Variants in TENM1 observed in about 807,000 individuals in gnomAD.
TENM1 encodes the protein teneurin-1.
Under a neutral mutation model 174.8 loss-of-function variants are expected in TENM1, and 35 were observed. That is an observed-to-expected ratio of 0.20 (90% confidence interval 0.15 to 0.27). The LOEUF (loss-of-function observed/expected upper bound fraction) is 0.27. Among genes scored for constraint, TENM1 ranks in the 10% least tolerant of loss-of-function variants. The probability of loss-of-function intolerance (pLI) is 1.00; values close to 1 mark genes in which losing one functional copy is unlikely to be tolerated. For missense variants in TENM1, 1,633 were observed against 2,130.1 expected (o/e 0.77, Z 4.59); for synonymous variants, 781 against 798.7 (o/e 0.98, Z 0.37).
intron 3 of TENM1, among the ~76,000 whole-genome samples, chrX:124,856,131 T>A (rs2056812079): frequency 9.0e-6 from 1 of 110,933 alleles, no homozygotes; most frequent in Admixed American, 9.6e-5. Context: ...GACTGCCAAT[T>A]TTCCTTCCTT....
chrX:124,669,813 T>A (rs776348265), intron 6 of TENM1, among the ~76,000 whole-genome samples: 1 of 112,366 alleles, frequency 8.9e-6, no homozygotes, highest in Non-Finnish European at 1.9e-5. Context: ...ATGAGACTTG[T>A]CACAACACAT....
chrX:125,074,783 C>T, the TENM1 span, among the ~76,000 whole-genome samples: 1 of 111,116 alleles, frequency 9.0e-6, no homozygotes, highest in Admixed American at 9.6e-5. Flanking sequence ...CTCCAGGCCA[C>T]TGCCCATACT....
chrX:124,385,653 C>A, intron 29 of TENM1, 24 bp downstream of exon 32: 1 of 1,172,407 alleles, frequency 8.5e-7, no homozygotes, highest in Non-Finnish European at 1.1e-6. Flanking sequence ...TTGTTGTACA[C>A]ACCACCACTC....
chrX:125,021,102 G>A, the TENM1 span, among the ~76,000 whole-genome samples: 1 of 105,561 alleles, frequency 9.5e-6, no homozygotes, highest in Middle Eastern at 4.5e-3. Context: ...AAAGAAATTA[G>A]GTTTTTTTTG....
intron 4 of TENM1, among the ~76,000 whole-genome samples, chrX:124,730,399 C>T (rs2053539063): frequency 9.0e-6 from 1 of 111,467 alleles, no homozygotes; most frequent in Non-Finnish European, 1.9e-5. Context: ...CAATTAGGAA[C>T]TCATTTAATG....
intron 8 of TENM1, among the ~76,000 whole-genome samples, chrX:124,650,995 T>C (rs1349786446): frequency 1.8e-5 from 2 of 111,877 alleles, no homozygotes; most frequent in Non-Finnish European, 3.8e-5. Context: ...AAAGAGCAGA[T>C]GGTATATCTA....
chrX:125,071,038 C>T, the TENM1 span, among the ~76,000 whole-genome samples: 1 of 111,238 alleles, frequency 9.0e-6, no homozygotes, highest in Non-Finnish European at 1.9e-5. Flanking sequence ...CCCAATTTGC[C>T]TTCCTTTTAC....
chrX:124,546,319 G>T (rs1278155595), intron 15 of TENM1, among the ~76,000 whole-genome samples: 4 of 111,558 alleles, frequency 3.6e-5, no homozygotes, highest in African/African-American at 1.3e-4. Context: ...ATAACAGTGA[G>T]CAAATTCATG....
intron 1 of TENM1, among the ~76,000 whole-genome samples, chrX:124,937,635 T>C (rs145375450): frequency 8.6e-4 from 97 of 112,163 alleles, no homozygotes; most frequent in African/African-American, 2.7e-3. Context: ...GAAGAAGCAC[T>C]ACTACGCAGC....
chrX:124,736,462 T>C (rs1481647883), intron 4 of TENM1, among the ~76,000 whole-genome samples: 1 of 110,648 alleles, frequency 9.0e-6, no homozygotes, highest in Non-Finnish European at 1.9e-5. Context: ...CTTACACATA[T>C]ACTTCCATTA....
intron 3 of TENM1, among the ~76,000 whole-genome samples, chrX:124,782,325 A>G (rs1199212459): frequency 9.0e-6 from 1 of 111,458 alleles, no homozygotes; most frequent in African/African-American, 3.3e-5. Flanking sequence ...AAGATCCTTA[A>G]TTCACTGGCT....
the TENM1 span, among the ~76,000 whole-genome samples, chrX:125,046,706 A>G: frequency 8.9e-6 from 1 of 112,022 alleles, no homozygotes; most frequent in East Asian, 2.8e-4. Flanking sequence ...CAGTGAGGAC[A>G]TCTTCATTTC....
chrX:124,828,933 T>C (rs2056229575), intron 3 of TENM1, among the ~76,000 whole-genome samples: 1 of 112,305 alleles, frequency 8.9e-6, no homozygotes, highest in Non-Finnish European at 1.9e-5. Flanking sequence ...TTAGAGTATA[T>C]TTCCAGGACT....
At chrX:125,139,013 T>C in the TENM1 span, among the ~76,000 whole-genome samples, 4 of 110,476 alleles carry the variant, frequency 3.6e-5, no homozygotes, top group Non-Finnish European at 7.6e-5. Context: ...TCATGGATGA[T>C]AGTGTTCTAC....
the TENM1 span, among the ~76,000 whole-genome samples, chrX:125,134,212 C>A: frequency 5.5e-4 from 62 of 112,122 alleles, no homozygotes; most frequent in South Asian, 3.3e-3. Context: ...TACACATAGT[C>A]TGCAGCAGCC....
intron 5 of TENM1, among the ~76,000 whole-genome samples, chrX:124,693,916 G>A (rs1467303347): frequency 9.0e-6 from 1 of 111,430 alleles, no homozygotes; most frequent in Non-Finnish European, 1.9e-5. Flanking sequence ...GGAGTTTGGT[G>A]ACTTGTTAGA....
chrX:124,781,869 T>C lies in TENM1; in HGVS notation c.536-44672A>G, dbSNP rs781161150. ...TTTCTAAAAACTAAATCTGACTATTTGTGACAGAGACCACCAAGTTGTTCA... is the reference window on the plus strand; with the variant it reads ...TTTCTAAAAACTAAATCTGACTATTCGTGACAGAGACCACCAAGTTGTTCA... On this transcript the variant is annotated intron_variant, in intron 3 of 31. Coordinates refer to ENST00000422452, the Ensembl canonical transcript of TENM1. 5.4e-5 allele frequency among the ~76,000 whole-genome samples: 6 copies of C among 111,835 alleles called. No homozygotes were observed. The East Asian group carries it at 1.7e-3, about 32-fold the overall frequency.
At chrX:125,187,881 C>A in the TENM1 span, among the ~76,000 whole-genome samples, 2 of 111,530 alleles carry the variant, frequency 1.8e-5, no homozygotes, top group African/African-American at 6.5e-5. Context: ...ATAAAGTAAC[C>A]ACAATGTGAG....
At chrX:124,443,044 ATGTGTG>A (rs59365041) in intron 23 of TENM1, among the ~76,000 whole-genome samples, 1,242 of 51,796 alleles carry the variant, frequency 0.024, 24 homozygotes, top group East Asian at 0.082. Flanking sequence ...CTGGATGACT[ATGTGTG>A]TGTGTGTGTG....
Sources: gnomAD v4.1 joint callset for allele counts (sites outside exome capture counted in the v4.1 genomes callset) on GRCh38, gnomAD v4.1.1 for gene constraint, MANE v1.5 for transcripts, NCBI Gene and HGNC (gene_info 2026-07-23, HGNC 2026-07-21) for gene names.